Variants in CENPP observed in about 807,000 individuals in gnomAD.
The protein encoded by CENPP is centromere protein P.
Under a neutral mutation model 35.6 loss-of-function variants are expected in CENPP, and 24 were observed. The ratio of observed to expected loss-of-function variants is 0.67; its 90% confidence interval spans 0.49 to 0.95. The LOEUF is 0.95. Ranked by LOEUF, CENPP falls within the 40% of genes least tolerant of loss-of-function variation. The pLI is 0.00. For synonymous variants in CENPP, 120 were observed against 125.5 expected (o/e 0.96, Z 0.29); for missense variants, 332 against 345.3 (o/e 0.96, Z 0.31).
intron 5 of CENPP, among the ~76,000 whole-genome samples, chr9:92,468,113 G>A (rs1467243971): frequency 1.3e-5 from 2 of 152,190 alleles, no homozygotes; most frequent in Admixed American, 1.3e-4. Flanking sequence ...GGTTAGAGAG[G>A]CCCCACCACA....
At chr9:92,416,281 G>A (rs1248803862) in intron 5 of CENPP, among the ~76,000 whole-genome samples, 1 of 151,092 alleles carries the variant, frequency 6.6e-6, no homozygotes, top group Non-Finnish European at 1.5e-5. Context: ...TCTATTTTTG[G>A]TAGAGATGGG....
chr9:92,387,622 C>A (rs1044968177), intron 5 of CENPP, among the ~76,000 whole-genome samples: 2 of 152,122 alleles, frequency 1.3e-5, no homozygotes, highest in African/African-American at 4.8e-5. Context: ...TTCTTAAGCA[C>A]CCTACCCTTC....
intron 5 of CENPP, among the ~76,000 whole-genome samples, chr9:92,452,378 T>C (rs902685740): frequency 3.3e-5 from 5 of 152,204 alleles, no homozygotes; most frequent in Admixed American, 6.5e-5. Flanking sequence ...TGTCTTTGGT[T>C]GTGTTTATAT....
chr9:92,344,633 T>C (rs1389064226), intron 3 of CENPP, among the ~76,000 whole-genome samples: 1 of 152,004 alleles, frequency 6.6e-6, no homozygotes. Context: ...CTGCAACCTC[T>C]GCCTCCTGTG....
intron 5 of CENPP, among the ~76,000 whole-genome samples, chr9:92,409,935 T>G (rs1843401656): frequency 6.6e-6 from 1 of 152,144 alleles, no homozygotes; most frequent in Non-Finnish European, 1.5e-5. Flanking sequence ...TGTTTTGTTT[T>G]TTGTTTGTTT....
chr9:92,442,788 G>A (rs1339336513), intron 5 of CENPP, among the ~76,000 whole-genome samples: 1 of 151,756 alleles, frequency 6.6e-6, no homozygotes, highest in Non-Finnish European at 1.5e-5. Flanking sequence ...GGCGGAGCTT[G>A]CAGTGAGCCG....
intron 5 of CENPP, among the ~76,000 whole-genome samples, chr9:92,580,309 A>G (rs1003768822): frequency 4.6e-5 from 7 of 152,148 alleles, no homozygotes; most frequent in South Asian, 4.1e-4. Context: ...GGATGATGCT[A>G]GCCTCATAAA....
chr9:92,486,838 G>T (rs1846070514), intron 5 of CENPP, among the ~76,000 whole-genome samples: 1 of 149,718 alleles, frequency 6.7e-6, no homozygotes, highest in African/African-American at 2.5e-5. Context: ...CTGGAGGGCA[G>T]TGGCACAATC....
At chr9:92,543,721 T>C (rs1849367709) in intron 5 of CENPP, among the ~76,000 whole-genome samples, 1 of 152,174 alleles carries the variant, frequency 6.6e-6, no homozygotes, top group African/African-American at 2.4e-5. Context: ...TTAAGTTTCT[T>C]TCATCAGCGA....
intron 5 of CENPP, among the ~76,000 whole-genome samples, chr9:92,451,038 C>T (rs1466537575): frequency 2.6e-5 from 4 of 151,534 alleles, no homozygotes; most frequent in East Asian, 1.9e-4. Context: ...TTCTCCCATT[C>T]TGTAGGTTGC....
At chr9:92,407,435 C>G (rs1843335809) in intron 5 of CENPP, among the ~76,000 whole-genome samples, 1 of 152,196 alleles carries the variant, frequency 6.6e-6, no homozygotes, top group Non-Finnish European at 1.5e-5. Flanking sequence ...AAGCCAAAAT[C>G]TTTACTACAC....
intron 5 of CENPP, among the ~76,000 whole-genome samples, chr9:92,451,779 A>G (rs1310188572): frequency 2.7e-5 from 4 of 150,298 alleles, no homozygotes; most frequent in Non-Finnish European, 4.5e-5. Context: ...TTCATTGAGC[A>G]GTGGTTTGTA....
chr9:92,436,353 T>C (rs994534417), intron 5 of CENPP, among the ~76,000 whole-genome samples: 7 of 152,248 alleles, frequency 4.6e-5, no homozygotes, highest in Non-Finnish European at 1.0e-4. Flanking sequence ...TTCTATTGCA[T>C]GCCTTTTCAT....
chr9:92,389,718 T>A (rs1457737715), intron 5 of CENPP: 1 of 610,512 alleles, frequency 1.6e-6, no homozygotes, highest in African/African-American at 1.9e-5. Context: ...GGTTATTTAT[T>A]ATGTAAATAA....
chr9:92,485,680 TAA>T (rs1430677559), intron 5 of CENPP, among the ~76,000 whole-genome samples: 1 of 152,086 alleles, frequency 6.6e-6, no homozygotes, highest in Non-Finnish European at 1.5e-5. Context: ...CTCATGCAAA[TAA>T]AAGATTGATT....
At chr9:92,381,558 C>T (rs371857183) in intron 5 of CENPP, among the ~76,000 whole-genome samples, 1 of 152,154 alleles carries the variant, frequency 6.6e-6, no homozygotes, top group African/African-American at 2.4e-5. Flanking sequence ...CCAGTGCCCT[C>T]CCCCTGCCTT....
At chr9:92,473,345 C>A (rs1845596508) in intron 5 of CENPP, among the ~76,000 whole-genome samples, 1 of 152,156 alleles carries the variant, frequency 6.6e-6, no homozygotes, top group Non-Finnish European at 1.5e-5. Context: ...CCAGAACTAA[C>A]CCAGTTTACA....
At chr9:92,399,898 T>C (rs1564299846) in intron 5 of CENPP, among the ~76,000 whole-genome samples, 1 of 152,208 alleles carries the variant, frequency 6.6e-6, no homozygotes, top group East Asian at 1.9e-4. Flanking sequence ...TTTTAAAGTA[T>C]AGAGTTTTAT....
chr9:92,416,477 G>A lies in CENPP; in HGVS notation c.564+36618G>A, dbSNP rs980965656. On this transcript the variant is annotated intron_variant, in intron 5 of 7. Transcript: ENST00000375587. ...ACTGAATAGCACACATTTCTCTGGGGCAGATTTCTGCCATTCCCTTAAGCA... is the reference window on the plus strand; with the variant it reads ...ACTGAATAGCACACATTTCTCTGGGACAGATTTCTGCCATTCCCTTAAGCA... 3 of 563,370 alleles carry A rather than the reference G, an allele frequency of 5.3e-6. No homozygotes were observed. The African/African-American group carries it at 5.7e-5, about 11-fold the overall frequency. 34.9% of individuals were successfully genotyped at this position (563,370 alleles called of 1,614,324 possible).
Sources: gnomAD v4.1 joint callset for allele counts (sites outside exome capture counted in the v4.1 genomes callset) on GRCh38, gnomAD v4.1.1 for gene constraint, MANE v1.5 for transcripts, NCBI Gene and HGNC (gene_info 2026-07-23, HGNC 2026-07-21) for gene names.